The following CD5 variants were observed in gnomAD, a reference collection of about 807,000 sequenced individuals.
CD5 encodes the protein CD5 molecule.
In CD5, 36 loss-of-function variants were observed where a neutral mutation model predicts 60.3. The ratio of observed to expected loss-of-function variants is 0.60; its 90% CI spans 0.46 to 0.79. CD5 has a LOEUF of 0.79. CD5 is among the 30% of genes least tolerant of loss of function. The pLI is 0.00. For synonymous variants in CD5, 230 were observed against 257.6 expected, an observed-to-expected ratio of 0.89 and a Z score of 1.03; for missense variants, 540 against 630.6, an observed-to-expected ratio of 0.86 and a Z score of 1.54.
At chr11:61,117,779 A>C (rs1418395638) in intron 2 of CD5, among the ~76,000 whole-genome samples, 1 of 152,142 alleles carries the variant, frequency 6.6e-6, no homozygotes, top group Non-Finnish European at 1.5e-5. Context: ...GATTACAGGC[A>C]TGAGCCACCA....
the CD5 span, among the ~76,000 whole-genome samples, chr11:61,095,107 G>A: frequency 3.3e-5 from 5 of 152,142 alleles, no homozygotes; most frequent in Non-Finnish European, 7.4e-5. Context: ...CCCAACACCA[G>A]AAGAGTCACA....
At chr11:61,110,471 CAGCACTTCAT>C (rs893287063) in intron 1 of CD5, among the ~76,000 whole-genome samples, 16 of 152,222 alleles carry the variant, frequency 1.1e-4, no homozygotes, top group Non-Finnish European at 1.8e-4. Context: ...CAAGGTCACA[CAGCACTTCAT>C]AGCTAAGTCT....
chr11:61,122,768 G>C, intron 6 of CD5, 139 bp from the exon 7 acceptor site: 1 of 909,440 alleles, frequency 1.1e-6, no homozygotes. Context: ...TAGCCAAATA[G>C]ATCATTGCCT....
At chr11:61,125,722 T>C (rs1252524158) in intron 9 of CD5, 29 bp from the exon 10 acceptor site, 1 of 1,561,136 alleles carries the variant, frequency 6.4e-7, no homozygotes, top group Non-Finnish European at 8.8e-7. Flanking sequence ...TCAAAAACCC[T>C]CTGCAAACAG....
intron 5 of CD5, among the ~76,000 whole-genome samples, chr11:61,119,846 G>A (rs967525546): frequency 6.6e-6 from 1 of 152,202 alleles, no homozygotes; most frequent in Non-Finnish European, 1.5e-5. Flanking sequence ...AGGGGAGTCG[G>A]CAGGACTTCC....
intron 1 of CD5, among the ~76,000 whole-genome samples, chr11:61,104,404 C>A (rs1312304268): frequency 6.6e-6 from 1 of 152,132 alleles, no homozygotes; most frequent in Non-Finnish European, 1.5e-5. Context: ...GGCCCTTAAA[C>A]CCCCCACCTG....
upstream of CD5, among the ~76,000 whole-genome samples, chr11:61,098,536 T>G (rs2134584087): frequency 6.6e-6 from 1 of 152,354 alleles, no homozygotes; most frequent in East Asian, 1.9e-4. Context: ...TGACCTAATC[T>G]GTTATGTTAT....
chr11:61,114,805 A>G (rs997631151), intron 1 of CD5, among the ~76,000 whole-genome samples: 5 of 152,110 alleles, frequency 3.3e-5, no homozygotes, highest in African/African-American at 1.2e-4. Flanking sequence ...AGAAAAATCA[A>G]TTTCACGTCT....
intron 1 of CD5, among the ~76,000 whole-genome samples, chr11:61,109,306 G>A (rs1384825114): frequency 3.3e-5 from 5 of 152,140 alleles, no homozygotes; most frequent in Admixed American, 1.3e-4. Context: ...CATATGTTTC[G>A]CTGCAGACAC....
intron 1 of CD5, among the ~76,000 whole-genome samples, chr11:61,103,095 C>T (rs1250423195): frequency 6.6e-6 from 1 of 152,232 alleles, no homozygotes; most frequent in Non-Finnish European, 1.5e-5. Flanking sequence ...GGTGGAGCCG[C>T]CTCTGAGGAC....
chr11:61,106,144 A>AG (rs1860775347), intron 1 of CD5, among the ~76,000 whole-genome samples: 2 of 149,540 alleles, frequency 1.3e-5, no homozygotes, highest in African/African-American at 4.9e-5. Context: ...AAAAAAAAAA[A>AG]GGCACCCGAA....
intron 2 of CD5, among the ~76,000 whole-genome samples, chr11:61,117,007 T>G (rs1392915651): frequency 6.6e-6 from 1 of 152,102 alleles, no homozygotes; most frequent in Non-Finnish European, 1.5e-5. Flanking sequence ...CCAAGAGAAA[T>G]GGAAACGCCC....
chr11:61,101,729 C>A (rs1404393724), upstream of CD5, among the ~76,000 whole-genome samples: 1 of 151,294 alleles, frequency 6.6e-6, no homozygotes, highest in Non-Finnish European at 1.5e-5. Flanking sequence ...ACACAGAAAT[C>A]ACACACGTCA....
chr11:61,108,312 C>G (rs756931480), intron 1 of CD5, among the ~76,000 whole-genome samples: 1 of 152,204 alleles, frequency 6.6e-6, no homozygotes, highest in Non-Finnish European at 1.5e-5. Context: ...ATTCTGCCCA[C>G]GACCCACTGT....
In CD5 at chr11:61,121,598, C is replaced by T; in HGVS notation, c.806-13C>T. 4.2e-6 allele frequency: 6 copies of T among 1,445,656 alleles called. No individual in the cohort carries two copies. The highest frequency in any genetic ancestry group is 3.6e-6 in the Non-Finnish European group (4 of 1,096,282). 89.6% of individuals were successfully genotyped at this position (1,445,656 alleles called of 1,614,324 possible). On this transcript the variant is annotated splice_polypyrimidine_tract_variant and intron_variant, in intron 5 of 10. Coordinates refer to ENST00000347785, the MANE Select transcript of CD5 (RefSeq NM_014207.4). The stretch of plus-strand genomic sequence containing the variant: ...ACACTTGCACCCTCCTTTCCCATTG[C>T]TTCCCCTCTCAGGTTTCCAGCCCAA...
chr11:61,125,039 C>G lies in CD5; in HGVS notation c.1287C>G (p.Phe429Leu). 6.2e-7 allele frequency: 1 copy of G among 1,614,054 alleles called. No individual in the cohort carries two copies. The highest frequency in any genetic ancestry group is 2.2e-5 in the East Asian group (1 of 44,866). Reference sequence around the variant, plus strand: ...CTCCTACCATCTGCCCAGTGTCTTTCCATCGCAACCACACGGCAACCGTCC... The same window carrying G: ...CTCCTACCATCTGCCCAGTGTCTTTGCATCGCAACCACACGGCAACCGTCC... ...GPTGMNQNMS[F>L]HRNHTATVRS... Residue 429 changes from phenylalanine to leucine, a missense_variant, in exon 9 of 11, where the codon TTC becomes TTG. Transcript: ENST00000347785.
chr11:61,121,532 G>T, intron 5 of CD5, 79 bp from the exon 6 acceptor site: 1 of 1,288,492 alleles, frequency 7.8e-7, no homozygotes, highest in South Asian at 2.0e-5. Context: ...CGATTTGCCA[G>T]TGGCATGGGG....
chr11:61,124,680 C>T (rs905801150), intron 8 of CD5, among the ~76,000 whole-genome samples: 1 of 152,022 alleles, frequency 6.6e-6, no homozygotes, highest in Non-Finnish European at 1.5e-5. Context: ...TGGAAACTTT[C>T]TTAATAACAT....
At chr11:61,096,348 G>A in the CD5 span, among the ~76,000 whole-genome samples, 17 of 152,236 alleles carry the variant, frequency 1.1e-4, no homozygotes, top group Non-Finnish European at 1.9e-4. Context: ...GGGACCGGGC[G>A]CAAGCACCCC....
Sources: gnomAD v4.1 joint callset for allele counts (sites outside exome capture counted in the v4.1 genomes callset) on GRCh38, gnomAD v4.1.1 for gene constraint, MANE v1.5 for transcripts, NCBI Gene and HGNC (gene_info 2026-07-23, HGNC 2026-07-21) for gene names.